Variants in WDR59 observed in about 807,000 individuals in gnomAD.
WDR59 encodes the protein WD repeat domain 59.
A neutral mutation model predicts 131.2 loss-of-function variants in WDR59; 100 were observed. The ratio of observed to expected loss-of-function variants is 0.76; its 90% CI spans 0.65 to 0.90. The LOEUF is 0.90. Ranked by LOEUF, WDR59 falls within the 40% of genes least tolerant of loss-of-function variation. The pLI, the probability that WDR59 is intolerant of heterozygous loss-of-function variation, is 0.00. For missense variants in WDR59, 1,203 were observed against 1,262.2 expected (o/e 0.95, Z 0.71); for synonymous variants, 601 against 466.2 (o/e 1.29, Z -3.72).
chr16:74,890,658 T>G (rs894064303), intron 20 of WDR59, among the ~76,000 whole-genome samples: 5 of 152,198 alleles, frequency 3.3e-5, no homozygotes, highest in Admixed American at 6.5e-5. Flanking sequence ...GATTTGGCTT[T>G]CTTTTTGTTG....
At chr16:74,895,939 G>C (rs1294392151) in intron 18 of WDR59, among the ~76,000 whole-genome samples, 2 of 152,048 alleles carry the variant, frequency 1.3e-5, no homozygotes, top group African/African-American at 4.8e-5. Context: ...CAGCACAAGG[G>C]GCTTAACGAG....
Position 74,873,652 on chromosome 16 carries a change from CAAAAA to C in WDR59, c.*552_*556del. 6.8e-6 allele frequency: 1 copy of C among 146,246 alleles called. No homozygotes were observed. Among genetic ancestry groups the C allele is most frequent in the South Asian group, 2.2e-4 (1 of 4,630 alleles). The allele number at this position is 146,246 out of a possible 1,614,324, so 9.1% of individuals were successfully genotyped here. Reference sequence around the variant, plus strand: ...GGGATAGCAGCTGGAGGAGAAATAACAAAAAAATACATCTTAAGAATCCTTAAGTA... The same window carrying C: ...GGGATAGCAGCTGGAGGAGAAATAACAATACATCTTAAGAATCCTTAAGTA... On this transcript the variant is annotated 3_prime_UTR_variant, in exon 26 of 26. Transcript: ENST00000262144.
At chr16:74,886,477 G>A in intron 23 of WDR59, 81 bp from the exon 24 acceptor site, 3 of 1,503,600 alleles carry the variant, frequency 2.0e-6, no homozygotes, top group Admixed American at 2.2e-5. Context: ...AAGACAGCAC[G>A]TGGCCAATGG....
Position 74,879,294 on chromosome 16 carries a change from C to T in WDR59, c.2690-4850G>A, listed in dbSNP as rs571594804. The stretch of plus-strand genomic sequence containing the variant: ...GATTGTTGAGCTCAGCAGGTCGAGG[C>T]TGCAGTGAGCTGTGATCATGCCTGT... On this transcript the variant is annotated intron_variant, in intron 25 of 25. Coordinates refer to ENST00000262144, the MANE Select transcript of WDR59 (RefSeq NM_030581.4). Among the ~76,000 whole-genome samples the T allele has an allele frequency of 1.2e-3, 180 of 152,182 alleles. 1 individual carries two copies. The highest frequency in any genetic ancestry group is 2.2e-3 in the Non-Finnish European group (151 of 68,000).
At chr16:74,876,590 C>G (rs541028576) in intron 25 of WDR59, among the ~76,000 whole-genome samples, 1 of 152,308 alleles carries the variant, frequency 6.6e-6, no homozygotes, top group African/African-American at 2.4e-5. Flanking sequence ...ATATAGTTTT[C>G]AAGATCCTTA....
Position 74,920,934 on chromosome 16 carries a change from A to C in WDR59, c.886+1013T>G, listed in dbSNP as rs550702071. ...TCACTACTCTCAGGGAAGGGAGGGG[A>C]TGGTGACCAGGTAGCTTCGGGGCTC... On this transcript the variant is annotated intron_variant, in intron 10 of 25. Coordinates refer to ENST00000262144, the MANE Select transcript of WDR59 (RefSeq NM_030581.4). 3.9e-5 allele frequency among the ~76,000 whole-genome samples: 6 copies of C among 152,186 alleles called. No individual in the cohort carries two copies. In the East Asian group the frequency reaches 1.2e-3, roughly 29 times the overall value.
At chr16:74,947,831 G>A (rs930431183) in intron 6 of WDR59, among the ~76,000 whole-genome samples, 4 of 152,206 alleles carry the variant, frequency 2.6e-5, no homozygotes, top group Admixed American at 6.5e-5. Context: ...AGCACTTCGG[G>A]AGGCCAAGGC....
intron 21 of WDR59, among the ~76,000 whole-genome samples, chr16:74,889,079 G>A (rs991676453): frequency 3.3e-5 from 5 of 152,186 alleles, no homozygotes; most frequent in Admixed American, 6.5e-5. Flanking sequence ...ACGGAAGCAC[G>A]AACACGTGTC....
At chr16:74,970,495 CAAAAAAAAAAAAAAAAAAAAA>C (rs746574195) in intron 1 of WDR59, among the ~76,000 whole-genome samples, 11 of 33,446 alleles carry the variant, frequency 3.3e-4, no homozygotes, top group Non-Finnish European at 7.0e-4. Context: ...ACTCTGTCTC[CAAAAAAAAAAAAAAAAAAAAA>C]AAAAAAAAAA....
chr16:74,923,946 C>T lies in WDR59; in HGVS notation c.709G>A (p.Val237Ile). ...CTCACTGTGTATCTGGCCTTCCAGA[C>T]AGGCACCTGGCAAGGAAGAATATTG... Reference protein sequence around the residue: ...YLNILPCQVPVWKARYTPFSN... With the variant: ...YLNILPCQVPIWKARYTPFSN... The change falls in exon 9 of 26, where the codon GTC becomes ATC. Residue 237 changes from valine (V) to isoleucine (I), a missense_variant. Coordinates refer to ENST00000262144, the MANE Select transcript of WDR59 (RefSeq NM_030581.4). 2.5e-6 allele frequency: 4 copies of T among 1,613,674 alleles called. No homozygotes were observed. The highest frequency in any genetic ancestry group is 3.4e-6 in the Non-Finnish European group (4 of 1,179,966).
chr16:74,954,586 G>C (rs1196908655), intron 3 of WDR59, among the ~76,000 whole-genome samples: 2 of 152,142 alleles, frequency 1.3e-5, no homozygotes, highest in African/African-American at 2.4e-5. Flanking sequence ...AAATAGTTTG[G>C]TGGTTCCCTC....
At chr16:74,938,687 C>T (rs2031992764) in intron 7 of WDR59, among the ~76,000 whole-genome samples, 2 of 152,242 alleles carry the variant, frequency 1.3e-5, no homozygotes, top group South Asian at 4.1e-4. Context: ...CAGGTGCACA[C>T]CACTAAGCCT....
At position 74,893,801 on chromosome 16, in the gene WDR59, T is replaced by A. The variant is rs1475981994; in HGVS notation, c.1878A>T (p.Arg626=). 1.2e-6 allele frequency: 2 copies of A among 1,613,988 alleles called. No homozygotes were observed. Among genetic ancestry groups the A allele is most frequent in the Non-Finnish European group, 1.7e-6 (2 of 1,180,016 alleles). ...CTGATCCCTCACGCTTACTTTTCCA[T>A]CGTCTTGATTTCTAGGGGTAGATGA... ...SFYYKERKSR[R]WKSKREGSDS... Residue 626 remains arginine, a synonymous_variant, in exon 19 of 26, where the codon CGA becomes CGT. Transcript: ENST00000262144.
At chr16:74,970,252 G>C (rs2033926989) in intron 1 of WDR59, among the ~76,000 whole-genome samples, 1 of 151,968 alleles carries the variant, frequency 6.6e-6, no homozygotes, top group Admixed American at 6.6e-5. Context: ...TGGTCTATAT[G>C]TCTAGTTTTC....
At chr16:74,915,814 C>T (rs1223070852) in intron 13 of WDR59, 56 bp downstream of exon 13, 41 of 1,608,848 alleles carry the variant, frequency 2.5e-5, no homozygotes, top group Non-Finnish European at 3.3e-5. Context: ...GAAATGGTTC[C>T]CTCTCCCACA....
chr16:74,891,860 G>A lies in WDR59; in HGVS notation c.2082+624C>T, dbSNP rs180756210. On this transcript the variant is annotated intron_variant, in intron 20 of 25. Transcript: ENST00000262144. ...AATCGCTTGAACCCGGGAGGCGGAG[G>A]TTGTGGTGAGCTGAGATCGTGCCAC... Among the ~76,000 whole-genome samples the A allele has an allele frequency of 1.7e-3, 255 of 152,312 alleles. 1 individual carries two copies. Among genetic ancestry groups the A allele is most frequent in the African/African-American group, 3.0e-3 (126 of 41,580 alleles).
chr16:74,946,474 C>T (rs2032646484), intron 6 of WDR59, among the ~76,000 whole-genome samples: 1 of 152,162 alleles, frequency 6.6e-6, no homozygotes, highest in African/African-American at 2.4e-5. Context: ...ATAATCCCAA[C>T]ACTTTAGGAG....
Position 74,937,027 on chromosome 16 carries a change from A to C in WDR59, c.651+1123T>G, listed in dbSNP as rs553361975. On this transcript the variant is annotated intron_variant, in intron 8 of 25. Transcript: ENST00000262144. ...ATGTCATATATGACTATATAAATAC[A>C]ACAAAGCATTAAATAAATGACACTG... Among the ~76,000 whole-genome samples the C allele has an allele frequency of 5.9e-5, 9 of 152,310 alleles. No homozygotes were observed. In the South Asian group the frequency reaches 1.9e-3, roughly 32 times the overall value.
chr16:74,970,830 T>C (rs896603213), intron 1 of WDR59, among the ~76,000 whole-genome samples: 2 of 151,748 alleles, frequency 1.3e-5, no homozygotes, highest in African/African-American at 2.4e-5. Context: ...CGCAGGAGGA[T>C]TGCTTGGAGC....
Sources: gnomAD v4.1 joint callset for allele counts (sites outside exome capture counted in the v4.1 genomes callset) on GRCh38, gnomAD v4.1.1 for gene constraint, MANE v1.5 for transcripts, NCBI Gene and HGNC (gene_info 2026-07-23, HGNC 2026-07-21) for gene names.